LNX1: variants seen among roughly 807,000 people sequenced by gnomAD.
LNX1 encodes the protein E3 ubiquitin-protein ligase LNX.
LNX1 carries 54 observed loss-of-function variants against 68.4 expected under a neutral mutation model. The observed-to-expected ratio is 0.79, with a 90% confidence interval of 0.63 to 0.99. The LOEUF is 0.99. Among genes scored for constraint, LNX1 ranks in the 50% least tolerant of loss-of-function variants. The pLI, the probability that LNX1 is intolerant of heterozygous loss-of-function variation, is 0.00. For missense variants in LNX1, 906 were observed against 926.4 expected, an observed-to-expected ratio of 0.98 and a Z score of 0.29; for synonymous variants, 336 against 350.0, an observed-to-expected ratio of 0.96 and a Z score of 0.45.
chr4:53,625,844 C>CGTGTGTGTGT (rs59366709), intron 1 of LNX1, among the ~76,000 whole-genome samples: 3,517 of 144,210 alleles, frequency 0.024, 79 homozygotes, highest in Non-Finnish European at 0.032. Context: ...AATTCCACCC[C>CGTGTGTGTGT]GTGTGTGTGT....
chr4:53,519,622 A>T (rs1342571437), intron 2 of LNX1, among the ~76,000 whole-genome samples: 1 of 150,476 alleles, frequency 6.6e-6, no homozygotes, highest in African/African-American at 2.5e-5. Flanking sequence ...TCTGTCTGAG[A>T]TCTTGTTGAT....
chr4:53,570,091 T>C (rs1731037029), intron 2 of LNX1, among the ~76,000 whole-genome samples: 1 of 150,562 alleles, frequency 6.6e-6, no homozygotes, highest in East Asian at 2.0e-4. Flanking sequence ...TCAACCATTG[T>C]GGAAGTCAGT....
At chr4:53,557,647 A>G in intron 2 of LNX1, among the ~76,000 whole-genome samples, 1 of 151,664 alleles carries the variant, frequency 6.6e-6, no homozygotes, top group East Asian at 1.9e-4. Context: ...AAGCAGGAAA[A>G]AAAAATGCCT....
At chr4:53,495,535 A>T (rs1331729756) in intron 6 of LNX1, among the ~76,000 whole-genome samples, 2 of 121,932 alleles carry the variant, frequency 1.6e-5, no homozygotes, top group African/African-American at 6.4e-5. Context: ...TCCCTGGAGA[A>T]TGCATGGCAT....
At chr4:53,495,846 G>C (rs1204204590) in intron 6 of LNX1, among the ~76,000 whole-genome samples, 177 bp downstream of exon 6, 1 of 152,166 alleles carries the variant, frequency 6.6e-6, no homozygotes, top group Non-Finnish European at 1.5e-5. Flanking sequence ...GCCCAGCCGA[G>C]TAATGTTCTT....
upstream of LNX1, among the ~76,000 whole-genome samples, chr4:53,620,787 G>C (rs1439461462): frequency 6.6e-6 from 1 of 152,170 alleles, no homozygotes; most frequent in East Asian, 1.9e-4. Context: ...TTAGAGTCCA[G>C]TGCATTTGAT....
chr4:53,561,697 C>T (rs931976228), intron 2 of LNX1, among the ~76,000 whole-genome samples: 2 of 152,128 alleles, frequency 1.3e-5, no homozygotes, highest in African/African-American at 4.8e-5. Flanking sequence ...GAAAATATTC[C>T]CAGCCAGCCT....
At chr4:53,517,522 T>C (rs1726877023) in intron 2 of LNX1, among the ~76,000 whole-genome samples, 1 of 152,190 alleles carries the variant, frequency 6.6e-6, no homozygotes, top group South Asian at 2.1e-4. Context: ...AGAATTCCTC[T>C]AGTCCTCAGG....
intron 1 of LNX1, among the ~76,000 whole-genome samples, chr4:53,633,392 A>G (rs1734349429): frequency 6.6e-6 from 1 of 151,988 alleles, no homozygotes; most frequent in Non-Finnish European, 1.5e-5. Context: ...TCTTCCTCAT[A>G]TTATTGCTTC....
At chr4:53,594,529 T>G (rs1482835208), upstream of LNX1, among the ~76,000 whole-genome samples, 7 of 152,126 alleles carry the variant, frequency 4.6e-5, no homozygotes, top group Non-Finnish European at 8.8e-5. Flanking sequence ...ATCCTGGACA[T>G]ATAGTGCTCC....
intron 2 of LNX1, among the ~76,000 whole-genome samples, chr4:53,571,382 CAT>C (rs1731157821): frequency 1.3e-5 from 2 of 151,996 alleles, no homozygotes; most frequent in Non-Finnish European, 2.9e-5. Context: ...AAGGTAATCA[CAT>C]GAGTTCTTAT....
intron 2 of LNX1, among the ~76,000 whole-genome samples, chr4:53,527,576 A>G (rs1273435894): frequency 6.6e-6 from 1 of 152,196 alleles, no homozygotes. Context: ...CAAACACTGC[A>G]TTCATGCATA....
rs761349656 is a variant in LNX1 at position 53,573,697 on chromosome 4, C to T, written c.306G>A (p.Leu102=). The change falls in exon 2 of 11, where the codon CTG becomes CTA. Residue 102 remains leucine, a synonymous_variant. Transcript: ENST00000263925. ...AGTGCTCCCTGAATGGGCAGGTCAC[C>T]AGTAGCTTGTTGAGGAGTTTGTTGA... is the stretch of plus-strand genomic sequence containing the variant. ...ILVNKLLNKL[L]VTCPFREHCT... 1.2e-5 allele frequency: 20 copies of T among 1,610,174 alleles called. No individual in the cohort carries two copies. The highest frequency in any genetic ancestry group is 1.5e-5 in the Non-Finnish European group (18 of 1,178,386).
chr4:53,476,965 A>C lies in LNX1; in HGVS notation c.1680T>G (p.Asn560Lys). ...CCTCTGTCAGTTCGACCCCATCCAC[A>C]TTCAACAAAATGTCACCTGATGGCC... ...GRIKTGDILLNVDGVELTEVS... is the reference protein window; with the variant it reads ...GRIKTGDILLKVDGVELTEVS... Residue 560 changes from asparagine to lysine, a missense_variant, in exon 9 of 11, where the codon AAT becomes AAG. By Grantham distance (94) the Asn-to-Lys change is moderately conservative. Coordinates refer to ENST00000263925, the MANE Select transcript of LNX1 (RefSeq NM_001126328.3). 6.2e-7 allele frequency: 1 copy of C among 1,614,040 alleles called. No homozygotes were observed. Among genetic ancestry groups the C allele is most frequent in the Non-Finnish European group, 8.5e-7 (1 of 1,179,992 alleles).
intron 1 of LNX1, among the ~76,000 whole-genome samples, chr4:53,632,398 C>A (rs551903427): frequency 2.2e-4 from 34 of 152,318 alleles, no homozygotes; most frequent in African/African-American, 8.2e-4. Context: ...TGCCTCCCTT[C>A]TCAGACACCT....
intron 2 of LNX1, among the ~76,000 whole-genome samples, chr4:53,515,510 CCCA>C (rs1425046286): frequency 4.0e-5 from 6 of 148,764 alleles, no homozygotes; most frequent in South Asian, 2.1e-4. Context: ...ATTTAAGGCC[CCCA>C]CCCCACCAAA....
chr4:53,537,539 G>A (rs1168103332), intron 2 of LNX1, among the ~76,000 whole-genome samples: 1 of 152,144 alleles, frequency 6.6e-6, no homozygotes, highest in African/African-American at 2.4e-5. Flanking sequence ...ATCAGAAAAT[G>A]GACATTTTTT....
chr4:53,594,448 A>G (rs1239657737), upstream of LNX1, among the ~76,000 whole-genome samples: 1 of 152,164 alleles, frequency 6.6e-6, no homozygotes, highest in Non-Finnish European at 1.5e-5. Flanking sequence ...TTTGGAAAAT[A>G]TGAGACAATG....
rs770549464 is a variant in LNX1, at chr4:53,477,004, C to T, written c.1664-23G>A. 2.5e-6 allele frequency: 4 copies of T among 1,596,024 alleles called. No homozygotes were observed. The Admixed American group carries it at 5.0e-5, about 20-fold the overall frequency. ...CACCTGATGGCCAGAGAAGCAGAAG[C>T]TATCTTTAGTGAGAGCACAAACAGG... On this transcript the variant is annotated intron_variant, in intron 8 of 10. Transcript: ENST00000263925.
Sources: allele counts gnomAD v4.1 joint callset (sites outside exome capture counted in the v4.1 genomes callset), GRCh38; gene constraint gnomAD v4.1.1; transcripts MANE v1.5; gene names NCBI Gene and HGNC (gene_info 2026-07-23, HGNC 2026-07-21).